MYO7A: variants seen among roughly 807,000 people sequenced by gnomAD.
MYO7A encodes the protein myosin VIIA, also known as unconventional myosin-VIIa.
MYO7A carries 210 observed loss-of-function variants against 263.8 expected under a neutral mutation model. The observed-to-expected ratio is 0.80, with a 90% confidence interval of 0.71 to 0.89. The LOEUF is 0.89. Ranked by LOEUF, MYO7A falls within the 40% of genes least tolerant of loss-of-function variation. The pLI is 0.00. For synonymous variants in MYO7A, 1,239 were observed against 1,197.3 expected (o/e 1.03, Z -0.72); for missense variants, 2,820 against 2,968.3 (o/e 0.95, Z 1.16).
chr11:77,213,720 C>A (rs146588058), intron 47 of MYO7A, 140 bp from the exon 48 acceptor site: 23 of 1,227,818 alleles, frequency 1.9e-5, no homozygotes, highest in Non-Finnish European at 2.4e-5. Flanking sequence ...TGCTTCCCAC[C>A]GCAGCTGGAT....
chr11:77,170,013 A>G (rs1270640069), intron 15 of MYO7A, among the ~76,000 whole-genome samples: 1 of 152,156 alleles, frequency 6.6e-6, no homozygotes, highest in African/African-American at 2.4e-5. Flanking sequence ...CGAGGCTGCA[A>G]TGAGCCAAGA....
At chr11:77,212,088 C>G in intron 46 of MYO7A, 151 bp downstream of exon 46, 1 of 725,766 alleles carries the variant, frequency 1.4e-6, no homozygotes, top group Non-Finnish European at 2.5e-6. Context: ...CTTGTCCCAG[C>G]TTAGCGTCTT....
At chr11:77,130,937 G>A (rs1214483664) in intron 2 of MYO7A, among the ~76,000 whole-genome samples, 1 of 152,238 alleles carries the variant, frequency 6.6e-6, no homozygotes, top group Admixed American at 6.5e-5. Flanking sequence ...AGGCCCAGGT[G>A]TGGGAAGGTC....
intron 41 of MYO7A, 40 bp from the exon 42 acceptor site, chr11:77,207,249 A>G: frequency 6.8e-7 from 1 of 1,464,580 alleles, no homozygotes; most frequent in Non-Finnish European, 9.4e-7. Context: ...AGGTCCCGGG[A>G]AAGGCCCTGC....
intron 15 of MYO7A, among the ~76,000 whole-genome samples, chr11:77,168,757 C>T (rs947155975): frequency 6.6e-6 from 1 of 152,136 alleles, no homozygotes; most frequent in Admixed American, 6.5e-5. Flanking sequence ...TGTGACTGTG[C>T]CACTGCACTC....
intron 14 of MYO7A, among the ~76,000 whole-genome samples, chr11:77,165,059 G>A (rs1362292890): frequency 1.3e-5 from 2 of 152,236 alleles, no homozygotes; most frequent in Non-Finnish European, 2.9e-5. Context: ...TAAGGAAACT[G>A]GAGTCCCAGA....
Position 77,190,181 on chromosome 11 carries a change from C to T in MYO7A, c.3750+42C>T, listed in dbSNP as rs1955948826. 5 of 1,507,044 alleles carry T rather than the reference C, an allele frequency of 3.3e-6. No homozygotes were observed. The African/African-American group carries it at 4.2e-5, about 13-fold the overall frequency. The allele number at this position is 1,507,044 out of a possible 1,614,324, so 93.4% of individuals were successfully genotyped here. On this transcript the variant is annotated intron_variant, in intron 29 of 48. Transcript: ENST00000409709. ...GCACGTGCTCGTGTGCATGTGTGCG[C>T]ACGTGTGTAAATGCGTGTGTGTGTG...
At position 77,199,532 on chromosome 11, in the gene MYO7A, C is replaced by A. The variant is rs1207171136; in HGVS notation, c.4569-3C>A. On this transcript the variant is annotated splice_region_variant and splice_polypyrimidine_tract_variant and intron_variant, in intron 34 of 48. Transcript: ENST00000409709. ...TGACTCAACTGGCCTTGATCTCCTTCAGGGAGTGCCGTGTCTGGCTCTCAC... is the reference window on the plus strand; with the variant it reads ...TGACTCAACTGGCCTTGATCTCCTTAAGGGAGTGCCGTGTCTGGCTCTCAC... 2 of 1,487,318 alleles carry A rather than the reference C, an allele frequency of 1.3e-6. No individual in the cohort carries two copies. The highest frequency in any genetic ancestry group is 1.3e-5 in the South Asian group (1 of 74,196). 92.1% of individuals were successfully genotyped at this position (1,487,318 alleles called of 1,614,324 possible). A position where few individuals can be genotyped will look rare whatever the true frequency, so the allele number is the denominator to read the frequency against.
chr11:77,207,240 G>A (rs528464924), intron 41 of MYO7A, 49 bp from the exon 42 acceptor site: 3 of 1,384,722 alleles, frequency 2.2e-6, no homozygotes, highest in African/African-American at 1.4e-5. Flanking sequence ...GGGAGGACCA[G>A]GTCCCGGGAA....
In MYO7A at chr11:77,145,765, G is replaced by A. The variant is rs114237782; in HGVS notation, c.133-2033G>A. 4.9e-3 allele frequency among the ~76,000 whole-genome samples: 752 copies of A among 152,284 alleles called. 1 individual carries two copies. The highest frequency in any genetic ancestry group is 6.9e-3 in the Non-Finnish European group (467 of 68,010). On this transcript the variant is annotated intron_variant, in intron 3 of 48. Coordinates refer to ENST00000409709, the MANE Select transcript of MYO7A (RefSeq NM_000260.4). ...GAAGTGCTGCTGGCCCAGAAGTGCCGTGGAGTATCAGGGAAACTGGGGTGG... is the reference window on the plus strand; with the variant it reads ...GAAGTGCTGCTGGCCCAGAAGTGCCATGGAGTATCAGGGAAACTGGGGTGG...
Position 77,158,397 on chromosome 11 carries a change from GCCAT to G in MYO7A, c.973_976del (p.Ile325CysfsTer36), listed in dbSNP as rs797044490. 6.2e-7 allele frequency: 1 copy of G among 1,612,666 alleles called. No homozygotes were observed. The highest frequency in any genetic ancestry group is 1.1e-5 in the South Asian group (1 of 91,070). ...CTGGGAGATCTCGAAGCTCCTGGCTGCCATCCTGCACCTGGGCAACCTGCAGTAT... is the reference window on the plus strand; with the variant it reads ...CTGGGAGATCTCGAAGCTCCTGGCTGCCTGCACCTGGGCAACCTGCAGTAT... On this transcript the variant is annotated frameshift_variant, in exon 9 of 49. Transcript: ENST00000409709. LOFTEE classifies it high-confidence loss of function.
In MYO7A at chr11:77,203,073, C is replaced by T. The variant is rs1957181888; in HGVS notation, c.5182C>T (p.His1728Tyr). 2 of 1,548,056 alleles carry T rather than the reference C, an allele frequency of 1.3e-6. No homozygotes were observed. The highest frequency in any genetic ancestry group is 1.7e-6 in the Non-Finnish European group (2 of 1,146,722). Residue 1728 changes from histidine to tyrosine, a missense_variant, in exon 38 of 49, where the codon CAC becomes TAC. Coordinates refer to ENST00000409709, the MANE Select transcript of MYO7A (RefSeq NM_000260.4). Reference sequence around the variant, plus strand: ...GTGCTGCGGCAGGCCCCCACCCAAGCACACGCTGAGCCGTGTCATGGTGTC... The same window carrying T: ...GTGCTGCGGCAGGCCCCCACCCAAGTACACGCTGAGCCGTGTCATGGTGTC... ...SYDYFRPPPK[H>Y]TLSRVMVSKA...
Position 77,184,571 on chromosome 11 carries a change from C to G in MYO7A, c.3376-17C>G. 1 of 1,555,028 alleles carries G rather than the reference C, an allele frequency of 6.4e-7. No individual in the cohort carries two copies. The highest frequency in any genetic ancestry group is 8.7e-7 in the Non-Finnish European group (1 of 1,148,802). On this transcript the variant is annotated splice_polypyrimidine_tract_variant and intron_variant, in intron 26 of 48. Transcript: ENST00000409709. ...CACCCCTAACTTTACCTGCCCTGTC[C>G]TCTCCCTCTGGCCCAGGTGACCAAG...
Position 77,160,143 on chromosome 11 carries a change from T to G in MYO7A, c.1081-20T>G. ...AGGGGCAGGCTGGCAGGTGAGCACC[T>G]GGGGTGTTGCCTGTACCAGGTGAAC... On this transcript the variant is annotated intron_variant, in intron 10 of 48. Transcript: ENST00000409709. 1 of 1,549,046 alleles carries G rather than the reference T, an allele frequency of 6.5e-7. No individual in the cohort carries two copies. The highest frequency in any genetic ancestry group is 8.7e-7 in the Non-Finnish European group (1 of 1,146,710).
chr11:77,133,514 A>G (rs148068824), intron 2 of MYO7A, among the ~76,000 whole-genome samples: 101 of 152,318 alleles, frequency 6.6e-4, no homozygotes, highest in Middle Eastern at 3.4e-3. Flanking sequence ...TCTATGTCTG[A>G]TAGTGTAGTC....
chr11:77,195,797 C>T (rs193292265), intron 32 of MYO7A, among the ~76,000 whole-genome samples: 1 of 152,364 alleles, frequency 6.6e-6, no homozygotes, highest in East Asian at 1.9e-4. Context: ...TTTTCTAGGT[C>T]TGCCATAACA....
Position 77,194,528 on chromosome 11 carries a change from G to T in MYO7A, c.4323+4G>T. On this transcript the variant is annotated splice_donor_region_variant and intron_variant, in intron 32 of 48. Coordinates refer to ENST00000409709, the MANE Select transcript of MYO7A (RefSeq NM_000260.4). ...GGCCATCGCCGCCCACAAGAAGGTA[G>T]AAGGGCTGAGAGGAGTCCTAGAGAA... The T allele has an allele frequency of 6.3e-7, 1 of 1,589,014 alleles. No homozygotes were observed. Among genetic ancestry groups the T allele is most frequent in the Non-Finnish European group, 8.6e-7 (1 of 1,168,202 alleles).
chr11:77,135,402 C>T (rs1026945992), intron 2 of MYO7A, among the ~76,000 whole-genome samples: 3 of 152,196 alleles, frequency 2.0e-5, no homozygotes, highest in African/African-American at 7.2e-5. Context: ...GTCAGAATTT[C>T]CTTCCGTCTT....
At position 77,199,803 on chromosome 11, in the gene MYO7A, GA is replaced by G. The variant is rs1199012623; in HGVS notation, c.4838del (p.Asp1613ValfsTer32). 8 of 1,595,968 alleles carry G rather than the reference GA, an allele frequency of 5.0e-6. 1 individual carries two copies. In the South Asian group the frequency reaches 8.9e-5, roughly 18 times the overall value. On this transcript the variant is annotated frameshift_variant, in exon 35 of 49. Transcript: ENST00000409709. LOFTEE classifies it high-confidence loss of function. ...ATCTAAGTATGTTGTGGCCCTGCAGGATAACCCCAACCCCGGTGAGTGGCTG... is the reference window on the plus strand; with the variant it reads ...ATCTAAGTATGTTGTGGCCCTGCAGGTAACCCCAACCCCGGTGAGTGGCTG... The part of the protein sequence containing the change: ...KRSKYVVALQ[D>X]NPNPAGEESG...
Sources: gnomAD v4.1 joint callset for allele counts (sites outside exome capture counted in the v4.1 genomes callset) on GRCh38, gnomAD v4.1.1 for gene constraint, MANE v1.5 for transcripts, NCBI Gene and HGNC (gene_info 2026-07-23, HGNC 2026-07-21) for gene names.